The following RALGAPA2 variants were observed in gnomAD, a reference collection of about 807,000 sequenced individuals.
RALGAPA2 encodes the protein ral GTPase-activating protein subunit alpha-2.
Under a neutral mutation model 230.4 loss-of-function variants are expected in RALGAPA2, and 139 were observed. The ratio of observed to expected loss-of-function variants is 0.60; its 90% CI spans 0.53 to 0.69. The LOEUF (loss-of-function observed/expected upper bound fraction) is 0.69, where lower values mean the gene tolerates loss of function less well. Among genes scored for constraint, RALGAPA2 ranks in the 30% least tolerant of loss-of-function variants. The pLI, the probability that RALGAPA2 is intolerant of heterozygous loss-of-function variation, is 0.00. For missense variants in RALGAPA2, 2,163 were observed against 2,276.0 expected (o/e 0.95, Z 1.01); for synonymous variants, 847 against 837.8 (o/e 1.01, Z -0.19).
intron 23 of RALGAPA2, among the ~76,000 whole-genome samples, chr20:20,567,693 A>G (rs956232241): frequency 2.6e-5 from 4 of 151,960 alleles, no homozygotes; most frequent in Non-Finnish European, 5.9e-5. Flanking sequence ...TTCATTATTT[A>G]TAAAATGGGC....
At chr20:20,511,440 A>G in intron 32 of RALGAPA2, 115 bp from the exon 33 acceptor site, 1 of 1,419,948 alleles carries the variant, frequency 7.0e-7, no homozygotes, top group Non-Finnish European at 9.2e-7. Context: ...CCTCACTCAC[A>G]AAAGATTTGT....
intron 3 of RALGAPA2, among the ~76,000 whole-genome samples, chr20:20,667,642 C>G (rs1302599295): frequency 6.6e-6 from 1 of 152,214 alleles, no homozygotes; most frequent in Non-Finnish European, 1.5e-5. Context: ...TGCAGTTTGC[C>G]TCTTCCACCA....
At chr20:20,517,933 C>G (rs1688591055) in intron 31 of RALGAPA2, among the ~76,000 whole-genome samples, 1 of 152,032 alleles carries the variant, frequency 6.6e-6, no homozygotes, top group South Asian at 2.1e-4. Flanking sequence ...TTGAAAAGAT[C>G]ACACTAGCTT....
intron 36 of RALGAPA2, among the ~76,000 whole-genome samples, chr20:20,494,258 G>T (rs1447372606): frequency 6.6e-6 from 1 of 152,126 alleles, no homozygotes; most frequent in Non-Finnish European, 1.5e-5. Context: ...TTTCAGAAGG[G>T]TAACTTTCAG....
chr20:20,593,416 C>T (rs886752312), intron 16 of RALGAPA2, among the ~76,000 whole-genome samples: 4 of 152,252 alleles, frequency 2.6e-5, no homozygotes, highest in African/African-American at 7.2e-5. Context: ...TCCCAAAGTA[C>T]AGACTACGTC....
At chr20:20,468,963 T>TGTTTGTG (rs2061480717) in intron 37 of RALGAPA2, among the ~76,000 whole-genome samples, 1 of 143,292 alleles carries the variant, frequency 7.0e-6, no homozygotes, top group African/African-American at 2.5e-5. Flanking sequence ...GTGTGTGTGT[T>TGTTTGTG]TGTGTGTGTG....
At chr20:20,580,649 A>G (rs753740956) in intron 20 of RALGAPA2, among the ~76,000 whole-genome samples, 2 of 152,174 alleles carry the variant, frequency 1.3e-5, no homozygotes, top group Non-Finnish European at 2.9e-5. Flanking sequence ...CCGTGAGTAT[A>G]AACTTCTTCC....
chr20:20,570,281 G>C (rs1323496303), intron 23 of RALGAPA2, among the ~76,000 whole-genome samples: 1 of 152,232 alleles, frequency 6.6e-6, no homozygotes, highest in East Asian at 1.9e-4. Context: ...CTCAAAGTAA[G>C]TATTGGGAAA....
At chr20:20,406,342 C>T (rs1322122653) in intron 38 of RALGAPA2, among the ~76,000 whole-genome samples, 1 of 152,078 alleles carries the variant, frequency 6.6e-6, no homozygotes, top group African/African-American at 2.4e-5. Context: ...GTAAAAAAAA[C>T]TTTCTATCAA....
At position 20,638,995 on chromosome 20, in the gene RALGAPA2, T is replaced by C. The variant is rs1032032082; in HGVS notation, c.666+790A>G. Among the ~76,000 whole-genome samples, 5 of 151,896 alleles carry C rather than the reference T, an allele frequency of 3.3e-5. 1 individual carries two copies. Among genetic ancestry groups the C allele is most frequent in the Admixed American group, 2.6e-4 (4 of 15,262 alleles). Reference sequence around the variant, plus strand: ...AGGAGAGAATCTCATGAAGGAGGGGTAGTTAAATCCCCTCGAAGAATGAGG... The same window carrying C: ...AGGAGAGAATCTCATGAAGGAGGGGCAGTTAAATCCCCTCGAAGAATGAGG... On this transcript the variant is annotated intron_variant, in intron 7 of 39. Transcript: ENST00000202677.
intron 9 of RALGAPA2, among the ~76,000 whole-genome samples, chr20:20,633,399 T>C (rs1308584600): frequency 2.0e-5 from 3 of 152,190 alleles, no homozygotes; most frequent in Non-Finnish European, 4.4e-5. Context: ...CCTCCCAAAG[T>C]GCTGGGATTA....
At chr20:20,494,071 T>C (rs1337782221) in intron 36 of RALGAPA2, among the ~76,000 whole-genome samples, 1 of 151,910 alleles carries the variant, frequency 6.6e-6, no homozygotes, top group African/African-American at 2.4e-5. Context: ...ACAGCAACAA[T>C]AATAATAATA....
At chr20:20,404,550 G>T (rs1280911027) in intron 38 of RALGAPA2, among the ~76,000 whole-genome samples, 1 of 152,182 alleles carries the variant, frequency 6.6e-6, no homozygotes, top group East Asian at 1.9e-4. Flanking sequence ...GGACTTGAGG[G>T]CCAGTCACGA....
At position 20,524,846 on chromosome 20, in the gene RALGAPA2, A is replaced by G. The variant is rs1470088020; in HGVS notation, c.3746T>C (p.Val1249Ala). 2 of 1,607,214 alleles carry G rather than the reference A, an allele frequency of 1.2e-6. No individual in the cohort carries two copies. Among genetic ancestry groups the G allele is most frequent in the African/African-American group, 1.3e-5 (1 of 74,628 alleles). ...GCCACCTACCTTCTTGTCTGTTTCC[A>G]CTGAGGAGTACTCTGCACTTGGTAA... ...FLLPSAEYSS[V>A]ETDKKFIVSL... Residue 1249 changes from valine (V) to alanine (A), a missense_variant, in exon 29 of 40, where the codon GTG (valine) becomes GCG (alanine). Physicochemically the swap from Val to Ala is moderately conservative, Grantham distance 64 (BLOSUM62 0). Transcript: ENST00000202677.
chr20:20,665,642 A>G (rs1193746401), intron 3 of RALGAPA2, among the ~76,000 whole-genome samples: 3 of 152,248 alleles, frequency 2.0e-5, no homozygotes, highest in Non-Finnish European at 4.4e-5. Context: ...AACATTCTAT[A>G]ATAGGATAAT....
At chr20:20,677,298 C>T (rs146104207) in intron 2 of RALGAPA2, among the ~76,000 whole-genome samples, 3 of 152,234 alleles carry the variant, frequency 2.0e-5, no homozygotes, top group African/African-American at 7.2e-5. Context: ...GGTAAGGTAA[C>T]ATCTGAGAAA....
At chr20:20,592,452 C>T (rs1330000040) in intron 16 of RALGAPA2, among the ~76,000 whole-genome samples, 1 of 152,188 alleles carries the variant, frequency 6.6e-6, no homozygotes, top group Non-Finnish European at 1.5e-5. Flanking sequence ...TCCCTCCTTA[C>T]CATGCTGCCC....
chr20:20,422,822 C>T (rs2060304296), intron 37 of RALGAPA2, among the ~76,000 whole-genome samples: 1 of 152,190 alleles, frequency 6.6e-6, no homozygotes, highest in African/African-American at 2.4e-5. Flanking sequence ...TCTTGTCCTT[C>T]ACAGCATTCA....
At chr20:20,666,704 C>T (rs142003723) in intron 3 of RALGAPA2, among the ~76,000 whole-genome samples, 682 of 152,224 alleles carry the variant, frequency 4.5e-3, no homozygotes, top group Non-Finnish European at 6.3e-3. Context: ...GTATTATTTG[C>T]TTATAAGAAA....
Sources: allele counts gnomAD v4.1 joint callset (sites outside exome capture counted in the v4.1 genomes callset), GRCh38; gene constraint gnomAD v4.1.1; transcripts MANE v1.5; gene names NCBI Gene and HGNC (gene_info 2026-07-23, HGNC 2026-07-21).